Variants in STXBP5L observed in about 807,000 individuals in gnomAD.
STXBP5L encodes the protein syntaxin-binding protein 5-like.
Under a neutral mutation model 144.5 loss-of-function variants are expected in STXBP5L, and 65 were observed. The ratio of observed to expected loss-of-function variants is 0.45; its 90% confidence interval spans 0.37 to 0.55. STXBP5L has a LOEUF of 0.55. Among genes scored for constraint, STXBP5L ranks in the 20% least tolerant of loss-of-function variants. STXBP5L has a pLI of 0.00. For missense variants in STXBP5L, 1,298 were observed against 1,405.5 expected (o/e 0.92, Z 1.22); for synonymous variants, 505 against 469.6 (o/e 1.08, Z -0.97).
At chr3:121,108,789 T>C (rs1559755900) in intron 5 of STXBP5L, among the ~76,000 whole-genome samples, 1 of 152,196 alleles carries the variant, frequency 6.6e-6, no homozygotes, top group African/African-American at 2.4e-5. Context: ...GAATAAATGG[T>C]ACCAGCTCCG....
At chr3:121,283,177 TAC>T (rs1383363704) in intron 19 of STXBP5L, among the ~76,000 whole-genome samples, 1 of 152,064 alleles carries the variant, frequency 6.6e-6, no homozygotes, top group African/African-American at 2.4e-5. Context: ...ATACATTATA[TAC>T]ACACACTCAC....
intron 9 of STXBP5L, among the ~76,000 whole-genome samples, chr3:121,183,093 T>G (rs2047224870): frequency 6.6e-6 from 1 of 152,040 alleles, no homozygotes; most frequent in South Asian, 2.1e-4. Flanking sequence ...AAATCCAGCA[T>G]CCCATTAATA....
intron 19 of STXBP5L, among the ~76,000 whole-genome samples, chr3:121,281,692 C>A (rs1275989548): frequency 6.6e-6 from 1 of 151,808 alleles, no homozygotes; most frequent in East Asian, 1.9e-4. Flanking sequence ...ACTGCTTGAA[C>A]CTTAACAGTT....
chr3:121,250,512 G>T (rs1422735019), intron 14 of STXBP5L, among the ~76,000 whole-genome samples: 1 of 151,788 alleles, frequency 6.6e-6, no homozygotes, highest in Non-Finnish European at 1.5e-5. Context: ...AGGAATTATT[G>T]TTCTTTTTCT....
intron 3 of STXBP5L, among the ~76,000 whole-genome samples, chr3:120,983,623 C>T (rs527386611): frequency 3.3e-4 from 50 of 152,154 alleles, no homozygotes; most frequent in African/African-American, 1.2e-3. Flanking sequence ...TCCCTTTTAT[C>T]CTGGAGGCCT....
At chr3:121,273,891 T>A (rs1278738238) in intron 18 of STXBP5L, among the ~76,000 whole-genome samples, 1 of 152,134 alleles carries the variant, frequency 6.6e-6, no homozygotes, top group Non-Finnish European at 1.5e-5. Context: ...TGGTTCTTTT[T>A]TGTGATTTCT....
intron 3 of STXBP5L, among the ~76,000 whole-genome samples, chr3:121,037,063 A>G (rs1946811013): frequency 6.6e-6 from 1 of 151,962 alleles, no homozygotes; most frequent in African/African-American, 2.4e-5. Flanking sequence ...AGTAGCTGGG[A>G]CTACCAGCAC....
chr3:121,053,048 G>GGACC (rs1192819915), intron 5 of STXBP5L, among the ~76,000 whole-genome samples: 1 of 152,100 alleles, frequency 6.6e-6, no homozygotes, highest in African/African-American at 2.4e-5. Flanking sequence ...GGGACGTGAA[G>GGACC]GACCTCTTCA....
intron 4 of STXBP5L, among the ~76,000 whole-genome samples, chr3:121,042,582 A>G (rs1947235762): frequency 6.6e-6 from 1 of 152,178 alleles, no homozygotes; most frequent in Non-Finnish European, 1.5e-5. Flanking sequence ...TGGCATGACA[A>G]TGATCTTTCA....
intron 7 of STXBP5L, among the ~76,000 whole-genome samples, chr3:121,122,102 T>C (rs2044493713): frequency 6.6e-6 from 1 of 151,154 alleles, no homozygotes; most frequent in Non-Finnish European, 1.5e-5. Context: ...CATTAACATG[T>C]ACTAATATAT....
At position 121,132,937 on chromosome 3, in the gene STXBP5L, G is replaced by A. The variant is rs148648433; in HGVS notation, c.669+11233G>A. On this transcript the variant is annotated intron_variant, in intron 7 of 26. Coordinates refer to ENST00000471454, the MANE Select transcript of STXBP5L (RefSeq NM_001308330.2). ...CAGGTAACTAGAAATAATTCAGACA[G>A]AAAAGCAAAAGGAAAACAGAATGAA... Among the ~76,000 whole-genome samples the A allele has an allele frequency of 2.5e-3, 388 of 152,210 alleles. 2 individuals are homozygous for A. The highest frequency in any genetic ancestry group is 0.025 in the South Asian group (120 of 4,806).
chr3:121,264,320 G>T (rs942166472), intron 18 of STXBP5L, among the ~76,000 whole-genome samples: 7 of 151,824 alleles, frequency 4.6e-5, no homozygotes, highest in African/African-American at 1.2e-4. Context: ...AGCTGAGGCA[G>T]ATTCTTCTCC....
intron 5 of STXBP5L, among the ~76,000 whole-genome samples, chr3:121,069,850 G>A (rs1035895210): frequency 6.6e-6 from 1 of 151,982 alleles, no homozygotes; most frequent in East Asian, 1.9e-4. Flanking sequence ...TGTTGAAGAC[G>A]ATTTTTTCAT....
chr3:121,235,519 CTT>C (rs1166793655), intron 12 of STXBP5L, among the ~76,000 whole-genome samples: 1 of 152,034 alleles, frequency 6.6e-6, no homozygotes, highest in Non-Finnish European at 1.5e-5. Context: ...CAATATTTCA[CTT>C]TGTCAGGAGC....
chr3:121,370,842 T>C lies in STXBP5L; in HGVS notation c.2177-7874T>C, dbSNP rs1185012059. On this transcript the variant is annotated intron_variant, in intron 20 of 26. Transcript: ENST00000471454. ...GCATTATGAAATTCTTGTAGAGTGT[T>C]TTTTAGCTCTATCAGCTCAGTTACA... 4.6e-5 allele frequency among the ~76,000 whole-genome samples: 7 copies of C among 152,236 alleles called. 1 individual carries two copies. The highest frequency in any genetic ancestry group is 2.0e-4 in the Admixed American group (3 of 15,286).
At chr3:121,398,244 C>G (rs1198082734) in intron 22 of STXBP5L, among the ~76,000 whole-genome samples, 1 of 152,200 alleles carries the variant, frequency 6.6e-6, no homozygotes, top group Non-Finnish European at 1.5e-5. Context: ...TAAACTAGAC[C>G]TTTCTAAAAG....
At chr3:121,354,804 T>A (rs1447870663) in intron 20 of STXBP5L, among the ~76,000 whole-genome samples, 2 of 152,234 alleles carry the variant, frequency 1.3e-5, no homozygotes, top group African/African-American at 4.8e-5. Flanking sequence ...CTTTACAATT[T>A]GGCATGTTTT....
At chr3:121,207,382 G>C (rs941149480) in intron 10 of STXBP5L, among the ~76,000 whole-genome samples, 2 of 152,138 alleles carry the variant, frequency 1.3e-5, no homozygotes, top group African/African-American at 2.4e-5. Context: ...AAAAACCCTA[G>C]AAGAAAACCT....
At chr3:121,185,179 C>T (rs951342629) in intron 9 of STXBP5L, among the ~76,000 whole-genome samples, 3 of 152,140 alleles carry the variant, frequency 2.0e-5, no homozygotes, top group African/African-American at 7.2e-5. Context: ...ATTGTAGATT[C>T]TACAATTGTA....
Sources: allele counts gnomAD v4.1 joint callset (sites outside exome capture counted in the v4.1 genomes callset), GRCh38; gene constraint gnomAD v4.1.1; transcripts MANE v1.5; gene names NCBI Gene and HGNC (gene_info 2026-07-23, HGNC 2026-07-21).